The following SLC17A8 variants were observed in gnomAD, a reference collection of about 807,000 sequenced individuals.
SLC17A8 encodes solute carrier family 17 member 8.
A neutral mutation model predicts 58.0 loss-of-function variants in SLC17A8; 31 were observed. That is an observed-to-expected ratio of 0.53 (90% confidence interval 0.40 to 0.72). The LOEUF (loss-of-function observed/expected upper bound fraction) is 0.72, where lower values mean the gene tolerates loss of function less well. Among genes scored for constraint, SLC17A8 ranks in the 30% least tolerant of loss-of-function variants. The probability of loss-of-function intolerance (pLI) is 0.00; values close to 1 mark genes in which losing one functional copy is unlikely to be tolerated. For synonymous variants in SLC17A8, 228 were observed against 249.0 expected, an observed-to-expected ratio of 0.92 and a Z score of 0.79; for missense variants, 655 against 727.8, an observed-to-expected ratio of 0.90 and a Z score of 1.15.
intron 4 of SLC17A8, among the ~76,000 whole-genome samples, chr12:100,395,809 C>T (rs1352286747): frequency 6.6e-6 from 1 of 151,650 alleles, no homozygotes; most frequent in Admixed American, 6.6e-5. Flanking sequence ...GATGGGGTTT[C>T]ATCACGTTGG....
At chr12:100,380,391 A>T (rs943403) in intron 1 of SLC17A8, among the ~76,000 whole-genome samples, 1 of 151,524 alleles carries the variant, frequency 6.6e-6, no homozygotes, top group Non-Finnish European at 1.5e-5. Flanking sequence ...CTATAAAATG[A>T]CATGATGACA....
chr12:100,413,192 T>A (rs536110214), intron 10 of SLC17A8, among the ~76,000 whole-genome samples: 1 of 152,272 alleles, frequency 6.6e-6, no homozygotes, highest in African/African-American at 2.4e-5. Flanking sequence ...CTTTCATACT[T>A]TAGCACCATG....
chr12:100,363,396 T>C (rs1952497241), intron 1 of SLC17A8, among the ~76,000 whole-genome samples: 1 of 151,950 alleles, frequency 6.6e-6, no homozygotes, highest in Admixed American at 6.6e-5. Context: ...TGGGATGGAG[T>C]CCCACTCTGT....
At chr12:100,404,890 G>A (rs1952816008) in intron 9 of SLC17A8, among the ~76,000 whole-genome samples, 1 of 152,180 alleles carries the variant, frequency 6.6e-6, no homozygotes, top group East Asian at 1.9e-4. Context: ...CAGGTAGGCC[G>A]GAGCCTACCG....
At chr12:100,406,587 G>C (rs1357850079) in intron 9 of SLC17A8, among the ~76,000 whole-genome samples, 1 of 151,486 alleles carries the variant, frequency 6.6e-6, no homozygotes, top group East Asian at 1.9e-4. Context: ...CCAGGCTGGA[G>C]TGCAGTGGTG....
chr12:100,403,018 G>A (rs1366792563), intron 8 of SLC17A8, among the ~76,000 whole-genome samples: 5 of 152,080 alleles, frequency 3.3e-5, no homozygotes, highest in African/African-American at 2.4e-5. Flanking sequence ...GCTCAAGGAC[G>A]GCATATTAGG....
In SLC17A8 at chr12:100,357,273, C is replaced by T; in HGVS notation, c.-119C>T. ...TTTTGATTTTGAGTAGTTCCCTCCACGAGAACTGACTTCCAGGTGTTCACC... is the reference window on the plus strand; with the variant it reads ...TTTTGATTTTGAGTAGTTCCCTCCATGAGAACTGACTTCCAGGTGTTCACC... On this transcript the variant is annotated 5_prime_UTR_variant, in exon 1 of 12. It adds an upstream start codon to the 5' untranslated region. Coordinates refer to ENST00000323346, the MANE Select transcript of SLC17A8 (RefSeq NM_139319.3). 2.6e-6 allele frequency: 2 copies of T among 764,636 alleles called. No individual in the cohort carries two copies. Among genetic ancestry groups the T allele is most frequent in the Non-Finnish European group, 2.4e-6 (1 of 414,732 alleles). 47.4% of individuals were successfully genotyped at this position (764,636 alleles called of 1,614,324 possible).
chr12:100,401,780 C>T lies in SLC17A8; in HGVS notation c.680C>T (p.Ser227Phe). The part of the protein sequence containing the change: ...SRLATTSFCG[S>F]YAGAVVAMPL... ...CCTCAATCTTTTCTTGTTCCAGGTT[C>T]CTATGCAGGGGCAGTGGTTGCCATG... Residue 227 changes from serine (S) to phenylalanine (F), a missense_variant, in exon 6 of 12, where the codon TCC becomes TTC. Transcript: ENST00000323346. The T allele has an allele frequency of 3.7e-6, 6 of 1,613,112 alleles. No individual in the cohort carries two copies. The highest frequency in any genetic ancestry group is 5.1e-6 in the Non-Finnish European group (6 of 1,179,166).
chr12:100,421,299 T>C lies in SLC17A8; in HGVS notation c.*1140T>C, dbSNP rs886048795. ...CTGCTGGAGATTATATTAGGAAGTTTCATCAGATTGTATAAAATTATGATT... is the reference window on the plus strand; with the variant it reads ...CTGCTGGAGATTATATTAGGAAGTTCCATCAGATTGTATAAAATTATGATT... On this transcript the variant is annotated 3_prime_UTR_variant, in exon 12 of 12. Coordinates refer to ENST00000323346, the MANE Select transcript of SLC17A8 (RefSeq NM_139319.3). 1 of 152,150 alleles carries C rather than the reference T, an allele frequency of 6.6e-6. No individual in the cohort carries two copies. The highest frequency in any genetic ancestry group is 1.9e-4 in the East Asian group (1 of 5,190). 9.4% of individuals were successfully genotyped at this position (152,150 alleles called of 1,614,324 possible). A position where few individuals can be genotyped will look rare whatever the true frequency, so the allele number is the denominator to read the frequency against.
At chr12:100,364,857 G>C (rs1213420964) in intron 1 of SLC17A8, among the ~76,000 whole-genome samples, 3 of 152,212 alleles carry the variant, frequency 2.0e-5, no homozygotes, top group Non-Finnish European at 4.4e-5. Context: ...CTATTGGGAG[G>C]CTTTCCCCCT....
chr12:100,394,740 T>C (rs1952740791), intron 4 of SLC17A8, among the ~76,000 whole-genome samples: 1 of 147,542 alleles, frequency 6.8e-6, no homozygotes, highest in African/African-American at 2.5e-5. Context: ...ATATATATAG[T>C]AGAATTATAT....
intron 1 of SLC17A8, among the ~76,000 whole-genome samples, chr12:100,373,566 C>G (rs888856302): frequency 1.4e-5 from 2 of 142,092 alleles, no homozygotes; most frequent in African/African-American, 5.2e-5. Context: ...TATATGGACA[C>G]AAATCAGTGA....
At chr12:100,379,277 A>G (rs901300408) in intron 1 of SLC17A8, among the ~76,000 whole-genome samples, 2 of 152,176 alleles carry the variant, frequency 1.3e-5, no homozygotes, top group African/African-American at 2.4e-5. Flanking sequence ...TCTACTAAAA[A>G]TACAAAAATT....
chr12:100,387,302 TA>T (rs1340462565), intron 2 of SLC17A8, among the ~76,000 whole-genome samples: 1 of 152,194 alleles, frequency 6.6e-6, no homozygotes, highest in Non-Finnish European at 1.5e-5. Flanking sequence ...CTAACAGGTA[TA>T]AAGTGACGTC....
chr12:100,373,994 A>G (rs1165890458), intron 1 of SLC17A8, among the ~76,000 whole-genome samples: 5 of 152,180 alleles, frequency 3.3e-5, no homozygotes, highest in African/African-American at 7.2e-5. Context: ...CCAAGGAAAC[A>G]CCAGGGATGG....
chr12:100,372,919 C>A (rs1321597412), intron 1 of SLC17A8, among the ~76,000 whole-genome samples: 3 of 152,170 alleles, frequency 2.0e-5, no homozygotes, highest in Non-Finnish European at 4.4e-5. Flanking sequence ...TCACTTTGTG[C>A]TCCAAATGTT....
intron 2 of SLC17A8, among the ~76,000 whole-genome samples, chr12:100,381,906 A>G (rs1357275912): frequency 6.6e-6 from 1 of 152,234 alleles, no homozygotes; most frequent in Non-Finnish European, 1.5e-5. Flanking sequence ...AATAGTGGCC[A>G]TGACTGTAAT....
intron 9 of SLC17A8, among the ~76,000 whole-genome samples, chr12:100,409,038 A>G (rs1952846632): frequency 6.6e-6 from 1 of 152,202 alleles, no homozygotes; most frequent in Admixed American, 6.5e-5. Context: ...TCAAAAAGGT[A>G]AATATTAATA....
At chr12:100,364,438 C>T (rs112581131) in intron 1 of SLC17A8, among the ~76,000 whole-genome samples, 80 of 152,320 alleles carry the variant, frequency 5.3e-4, no homozygotes, top group African/African-American at 1.9e-3. Context: ...TTGTTGCTGA[C>T]CGCAGCAGGA....
Sources: allele counts gnomAD v4.1 joint callset (sites outside exome capture counted in the v4.1 genomes callset), GRCh38; gene constraint gnomAD v4.1.1; transcripts MANE v1.5; gene names NCBI Gene and HGNC (gene_info 2026-07-23, HGNC 2026-07-21).